Variants in FER observed in about 807,000 individuals in gnomAD.
FER encodes tyrosine-protein kinase Fer.
FER carries 63 observed loss-of-function variants against 111.0 expected under a neutral mutation model. The observed-to-expected ratio is 0.57, with a 90% CI of 0.46 to 0.70. The LOEUF is 0.70. Among genes scored for constraint, FER ranks in the 30% least tolerant of loss-of-function variants. The pLI is 0.00. For missense variants in FER, 914 were observed against 954.0 expected (o/e 0.96, Z 0.55); for synonymous variants, 327 against 313.9 (o/e 1.04, Z -0.44).
chr5:109,128,405 A>G (rs192698999), intron 17 of FER, among the ~76,000 whole-genome samples: 1 of 152,280 alleles, frequency 6.6e-6, no homozygotes, highest in African/African-American at 2.4e-5. Context: ...CTTCTAAGTA[A>G]GTCATTCACA....
At chr5:108,907,141 A>G (rs925289372) in intron 10 of FER, among the ~76,000 whole-genome samples, 3 of 152,184 alleles carry the variant, frequency 2.0e-5, no homozygotes, top group Non-Finnish European at 4.4e-5. Context: ...ACAGCTCCAG[A>G]TACAATTAGG....
intron 13 of FER, among the ~76,000 whole-genome samples, chr5:109,020,690 G>T (rs1017597750): frequency 6.6e-6 from 1 of 151,948 alleles, no homozygotes; most frequent in African/African-American, 2.4e-5. Context: ...CACACTTCGC[G>T]GCCGAGCTTT....
At chr5:108,845,485 A>T (rs1393434752) in intron 5 of FER, among the ~76,000 whole-genome samples, 1 of 152,016 alleles carries the variant, frequency 6.6e-6, no homozygotes, top group African/African-American at 2.4e-5. Context: ...CCTGGCCTCT[A>T]GTTGGTTTTT....
chr5:109,191,674 C>A lies in FER; in HGVS notation c.*4099C>A, dbSNP rs1280760702. 1 of 152,132 alleles carries A rather than the reference C, an allele frequency of 6.6e-6. No homozygotes were observed. Among genetic ancestry groups the A allele is most frequent in the Non-Finnish European group, 1.5e-5 (1 of 68,010 alleles). 9.4% of individuals were successfully genotyped at this position (152,132 alleles called of 1,614,324 possible). ...CTAAGTCAGTGTGAAAGTTTACCAT[C>A]AAAATAGCGTTACTTCTTTTATGAC... On this transcript the variant is annotated 3_prime_UTR_variant, in exon 20 of 20. Coordinates refer to ENST00000281092, the MANE Select transcript of FER (RefSeq NM_005246.4).
intron 2 of FER, among the ~76,000 whole-genome samples, chr5:108,770,742 A>G (rs557971621): frequency 1.3e-5 from 2 of 152,274 alleles, no homozygotes; most frequent in South Asian, 4.1e-4. Flanking sequence ...GAAAGCATCT[A>G]GCTTGTCTAA....
chr5:108,850,600 G>A (rs945977970), intron 5 of FER, among the ~76,000 whole-genome samples: 6 of 151,644 alleles, frequency 4.0e-5, no homozygotes, highest in Non-Finnish European at 7.4e-5. Flanking sequence ...AATACTATTT[G>A]TTTTTCTATT....
chr5:109,148,925 C>T (rs1335356391), intron 17 of FER, among the ~76,000 whole-genome samples: 1 of 152,028 alleles, frequency 6.6e-6, no homozygotes, highest in Non-Finnish European at 1.5e-5. Flanking sequence ...GATGTAGAGA[C>T]CTGCATTTTA....
chr5:108,856,005 C>A (rs1762972650), intron 5 of FER, among the ~76,000 whole-genome samples: 1 of 149,314 alleles, frequency 6.7e-6, no homozygotes, highest in Non-Finnish European at 1.5e-5. Context: ...AAGTGCACTT[C>A]TAGGGAAGGA....
At chr5:109,165,618 G>C (rs1322248002) in intron 17 of FER, among the ~76,000 whole-genome samples, 1 of 146,356 alleles carries the variant, frequency 6.8e-6, no homozygotes, top group Non-Finnish European at 1.5e-5. Context: ...GTGTGTGTGT[G>C]TGTGTGTGTG....
intron 14 of FER, among the ~76,000 whole-genome samples, chr5:109,044,375 G>A (rs1214433613): frequency 1.3e-5 from 2 of 151,974 alleles, no homozygotes; most frequent in African/African-American, 4.8e-5. Context: ...TAGAGACGGG[G>A]TTTCACTGTG....
At chr5:109,163,101 C>G (rs1756165282) in intron 17 of FER, among the ~76,000 whole-genome samples, 1 of 152,038 alleles carries the variant, frequency 6.6e-6, no homozygotes, top group African/African-American at 2.4e-5. Flanking sequence ...TCTCTAATGT[C>G]TAAATGATCG....
intron 10 of FER, among the ~76,000 whole-genome samples, chr5:108,905,893 A>G (rs1750689318): frequency 6.6e-6 from 1 of 152,214 alleles, no homozygotes; most frequent in Non-Finnish European, 1.5e-5. Flanking sequence ...CTTTATTAAT[A>G]AGTAATTGTG....
intron 9 of FER, among the ~76,000 whole-genome samples, chr5:108,888,265 C>G (rs1407499881): frequency 6.6e-6 from 1 of 151,870 alleles, no homozygotes. Context: ...GGAATTCATT[C>G]AACAATGTTG....
chr5:109,130,459 A>G (rs901870183), intron 17 of FER, among the ~76,000 whole-genome samples: 1 of 151,894 alleles, frequency 6.6e-6, no homozygotes, highest in Non-Finnish European at 1.5e-5. Flanking sequence ...TATGAACTAC[A>G]TATGTAATTT....
At chr5:109,122,446 A>T (rs147267135) in intron 17 of FER, among the ~76,000 whole-genome samples, 2 of 151,864 alleles carry the variant, frequency 1.3e-5, no homozygotes, top group African/African-American at 4.8e-5. Flanking sequence ...ACTTTATTTC[A>T]ATTTTTAATC....
At chr5:108,800,041 T>TCTG (rs1375466855) in intron 3 of FER, among the ~76,000 whole-genome samples, 2 of 151,776 alleles carry the variant, frequency 1.3e-5, no homozygotes, top group Non-Finnish European at 2.9e-5. Context: ...TGGGGTTTCA[T>TCTG]CATGTTGGCT....
At chr5:108,896,166 T>G (rs932200994) in intron 9 of FER, among the ~76,000 whole-genome samples, 3 of 152,046 alleles carry the variant, frequency 2.0e-5, no homozygotes, top group Non-Finnish European at 4.4e-5. Context: ...TGGAGTCTTT[T>G]TTTTTTCTTG....
At chr5:109,011,024 A>C (rs1320835984) in intron 13 of FER, among the ~76,000 whole-genome samples, 1 of 152,202 alleles carries the variant, frequency 6.6e-6, no homozygotes, top group Non-Finnish European at 1.5e-5. Context: ...ACACAGTATT[A>C]AGCTTTCTGT....
At chr5:108,830,526 G>A (rs1759930970) in intron 3 of FER, 1 of 152,116 alleles carries the variant, frequency 6.6e-6, no homozygotes, top group Non-Finnish European at 1.5e-5. Context: ...AAGGGAGACA[G>A]TTATATTAAT....
Sources: allele counts gnomAD v4.1 joint callset (sites outside exome capture counted in the v4.1 genomes callset), GRCh38; gene constraint gnomAD v4.1.1; transcripts MANE v1.5; gene names NCBI Gene and HGNC (gene_info 2026-07-23, HGNC 2026-07-21).